The following TNFSF14 variants were observed in gnomAD, a reference collection of about 807,000 sequenced individuals.
The protein encoded by TNFSF14 is tumor necrosis factor ligand superfamily member 14.
TNFSF14 carries 15 observed loss-of-function variants against 22.7 expected under a neutral mutation model. That is an observed-to-expected ratio of 0.66 (90% CI 0.44 to 1.02). The LOEUF (loss-of-function observed/expected upper bound fraction) is 1.02, where lower values mean the gene tolerates loss of function less well. Ranked by LOEUF, TNFSF14 falls within the 50% of genes least tolerant of loss-of-function variation. The probability of loss-of-function intolerance (pLI) is 0.00; values close to 1 mark genes in which losing one functional copy is unlikely to be tolerated. For synonymous variants in TNFSF14, 133 were observed against 139.6 expected, an observed-to-expected ratio of 0.95 and a Z score of 0.33; for missense variants, 287 against 326.2, an observed-to-expected ratio of 0.88 and a Z score of 0.93.
chr19:6,666,507 A>G (rs1388779515), intron 3 of TNFSF14, among the ~76,000 whole-genome samples: 1 of 152,146 alleles, frequency 6.6e-6, no homozygotes, highest in Non-Finnish European at 1.5e-5. Context: ...AAATGCGCAT[A>G]TTAATAGCAC....
Position 6,665,039 on chromosome 19 carries a change from C to T in TNFSF14, c.610G>A (p.Gly204Ser). The T allele has an allele frequency of 6.2e-7, 1 of 1,614,202 alleles. No individual in the cohort carries two copies. ...SRVWWDSSFLGGVVHLEAGEK... is the reference protein window; with the variant it reads ...SRVWWDSSFLSGVVHLEAGEK... ...CCAGCCTCCAGGTGTACCACACCAC[C>T]CAGGAAGCTGCTGTCCCACCAGACC... The change falls in exon 4 of 4, where the codon GGT becomes AGT. Residue 204 changes from glycine (G) to serine (S), a missense_variant. Coordinates refer to ENST00000675206, the MANE Select transcript of TNFSF14 (RefSeq NM_001376887.1).
At chr19:6,668,962 G>A (rs1385919350) in intron 1 of TNFSF14, among the ~76,000 whole-genome samples, 1 of 152,178 alleles carries the variant, frequency 6.6e-6, no homozygotes, top group Non-Finnish European at 1.5e-5. Context: ...GTGGGTACAC[G>A]CACATACGTC....
intron 2 of TNFSF14, 122 bp from the exon 3 acceptor site, chr19:6,667,276 C>A (rs1389330942): frequency 2.1e-6 from 3 of 1,439,360 alleles, no homozygotes; most frequent in Non-Finnish European, 2.8e-6. Flanking sequence ...ACCCAAACTT[C>A]TGCTTCTCAG....
chr19:6,666,592 G>A (rs1354800449), intron 3 of TNFSF14, among the ~76,000 whole-genome samples: 5 of 152,032 alleles, frequency 3.3e-5, no homozygotes, highest in Non-Finnish European at 7.4e-5. Flanking sequence ...CTATATGAGA[G>A]TTCATTAAAT....
chr19:6,665,037 A>G lies in TNFSF14; in HGVS notation c.612T>C (p.Gly204=), dbSNP rs758326963. The change falls in exon 4 of 4, where the codon GGT becomes GGC. Residue 204 remains glycine, a synonymous_variant. Coordinates refer to ENST00000675206, the MANE Select transcript of TNFSF14 (RefSeq NM_001376887.1). ...SRVWWDSSFL[G]GVVHLEAGEK... ...CCCCAGCCTCCAGGTGTACCACACC[A>G]CCCAGGAAGCTGCTGTCCCACCAGA... 6.2e-7 allele frequency: 1 copy of G among 1,614,104 alleles called. No individual in the cohort carries two copies. The highest frequency in any genetic ancestry group is 8.5e-7 in the Non-Finnish European group (1 of 1,179,994).
chr19:6,665,691 G>A (rs1917400384), intron 3 of TNFSF14, among the ~76,000 whole-genome samples: 1 of 152,108 alleles, frequency 6.6e-6, no homozygotes, highest in Middle Eastern at 3.2e-3. Context: ...TTACAGGTGT[G>A]AGCCACCACG....
chr19:6,669,144 T>C (rs1030689309), intron 1 of TNFSF14, among the ~76,000 whole-genome samples: 1 of 151,866 alleles, frequency 6.6e-6, no homozygotes, highest in Non-Finnish European at 1.5e-5. Context: ...TTTCCACAGA[T>C]GGAAATGGTC....
At chr19:6,667,521 C>G (rs1337932670) in intron 1 of TNFSF14, 72 bp from the exon 2 acceptor site, 3 of 1,523,646 alleles carry the variant, frequency 2.0e-6, no homozygotes, top group Non-Finnish European at 2.6e-6. Flanking sequence ...TCACACATGG[C>G]TATGAGACAT....
At chr19:6,669,423 C>T (rs1204182627) in intron 1 of TNFSF14, among the ~76,000 whole-genome samples, 5 of 152,100 alleles carry the variant, frequency 3.3e-5, no homozygotes, top group African/African-American at 1.2e-4. Flanking sequence ...GCAGAGGTTG[C>T]GGTGAGCAGA....
intron 3 of TNFSF14, among the ~76,000 whole-genome samples, chr19:6,665,789 G>A (rs879627858): frequency 4.7e-5 from 5 of 106,290 alleles, no homozygotes; most frequent in East Asian, 6.0e-4. Context: ...GTGTGCGTGT[G>A]TGTGTGTGTG....
At chr19:6,669,512 T>C (rs1228725881) in intron 1 of TNFSF14, among the ~76,000 whole-genome samples, 1 of 151,952 alleles carries the variant, frequency 6.6e-6, no homozygotes, top group Non-Finnish European at 1.5e-5. Context: ...AGAAAATGCA[T>C]GCGTGTGTGC....
At position 6,665,323 on chromosome 19, in the gene TNFSF14, C is replaced by A; in HGVS notation, c.326G>T (p.Gly109Val). 6.3e-7 allele frequency: 1 copy of A among 1,596,586 alleles called. No homozygotes were observed. The highest frequency in any genetic ancestry group is 2.3e-5 in the East Asian group (1 of 44,356). ...CTGAGTCTCCCATAACAGCGGCCCCCCGCTGCCGGTCAAGCTGGAGTTGGC... is the reference window on the plus strand; with the variant it reads ...CTGAGTCTCCCATAACAGCGGCCCCACGCTGCCGGTCAAGCTGGAGTTGGC... ...TGANSSLTGSGGPLLWETQLG... is the reference protein window; with the variant it reads ...TGANSSLTGSVGPLLWETQLG... The change falls in exon 4 of 4, where the codon GGG becomes GTG. Residue 109 changes from glycine (G) to valine (V), a missense_variant. Coordinates refer to ENST00000675206, the MANE Select transcript of TNFSF14 (RefSeq NM_001376887.1).
intron 1 of TNFSF14, among the ~76,000 whole-genome samples, chr19:6,668,637 A>G (rs573989332): frequency 1.5e-4 from 23 of 152,102 alleles, no homozygotes; most frequent in African/African-American, 4.8e-4. Flanking sequence ...TGAACCTGGG[A>G]GGTGGGGTTG....
At position 6,664,575 on chromosome 19, in the gene TNFSF14, G is replaced by A. The variant is rs540330068; in HGVS notation, c.*351C>T. 84 of 176,770 alleles carry A rather than the reference G, an allele frequency of 4.8e-4. No homozygotes were observed. The highest frequency in any genetic ancestry group is 1.8e-3 in the African/African-American group (76 of 42,296). The allele number at this position is 176,770 out of a possible 1,614,324, so 11.0% of individuals were successfully genotyped here. A position where few individuals can be genotyped will look rare whatever the true frequency, so the allele number is the denominator to read the frequency against. Reference sequence around the variant, plus strand: ...TTTTTTTGAGGCACAGTCTCACTGCGTTTCCCAGGTTGGAGTGCAGTGGTG... The same window carrying A: ...TTTTTTTGAGGCACAGTCTCACTGCATTTCCCAGGTTGGAGTGCAGTGGTG... On this transcript the variant is annotated 3_prime_UTR_variant, in exon 4 of 4. Transcript: ENST00000675206. This position sits in a 1 kb window ranked among gnomAD's most constrained non-coding sequence, Gnocchi z 4.7.
At chr19:6,669,737 TACACAC>T (rs34381198) in intron 1 of TNFSF14, 108 bp downstream of exon 1, 23,212 of 1,219,158 alleles carry the variant, frequency 0.019, 2 homozygotes, top group Middle Eastern at 0.029. Context: ...TGCCCTGTCC[TACACAC>T]ACACACACAC....
intron 3 of TNFSF14, among the ~76,000 whole-genome samples, chr19:6,666,666 C>T (rs890739517): frequency 6.6e-6 from 1 of 152,074 alleles, no homozygotes; most frequent in East Asian, 1.9e-4. Context: ...GAGGCCAAGG[C>T]GGGAGGATCA....
intron 3 of TNFSF14, 73 bp downstream of exon 3, chr19:6,667,040 T>C: frequency 1.3e-6 from 2 of 1,540,210 alleles, no homozygotes; most frequent in South Asian, 2.3e-5. Context: ...TACACTGATA[T>C]GTATGGCGTT....
In TNFSF14 at chr19:6,665,247, C is replaced by A; in HGVS notation, c.402G>T (p.Val134=). 6.2e-7 allele frequency: 1 copy of A among 1,613,952 alleles called. No homozygotes were observed. The highest frequency in any genetic ancestry group is 8.5e-7 in the Non-Finnish European group (1 of 1,180,010). The change falls in exon 4 of 4, where the codon GTG becomes GTT. Residue 134 remains valine, a synonymous_variant. Coordinates refer to ENST00000675206, the MANE Select transcript of TNFSF14 (RefSeq NM_001376887.1). ...RGLSYHDGAL[V]VTKAGYYYIY... ...TGTAGTAGTAGCCAGCTTTGGTGAC[C>A]ACAAGGGCCCCATCGTGGTAGCTGA...
rs894836462 is a variant in TNFSF14 at position 6,664,872 on chromosome 19, C to T, written c.*54G>A. The T allele has an allele frequency of 6.6e-7, 1 of 1,525,028 alleles. No individual in the cohort carries two copies. Among genetic ancestry groups the T allele is most frequent in the Non-Finnish European group, 8.8e-7 (1 of 1,133,190 alleles). 94.5% of individuals were successfully genotyped at this position (1,525,028 alleles called of 1,614,324 possible). On this transcript the variant is annotated 3_prime_UTR_variant, in exon 4 of 4. Coordinates refer to ENST00000675206, the MANE Select transcript of TNFSF14 (RefSeq NM_001376887.1). The surrounding 1 kb of genome is among the most constrained non-coding windows in gnomAD (Gnocchi z 4.7). ...CGTGAGTTTTCTTTCCCCTGAGGCA[C>T]CCTCTGAGTTCTCCACGTGTCAGAC...
Sources: allele counts gnomAD v4.1 joint callset (sites outside exome capture counted in the v4.1 genomes callset), GRCh38; gene constraint gnomAD v4.1.1; non-coding constraint Gnocchi (gnomAD v3.1); transcripts MANE v1.5; gene names NCBI Gene and HGNC (gene_info 2026-07-23, HGNC 2026-07-21).